XRRA1: variants seen among roughly 807,000 people sequenced by gnomAD.
XRRA1 encodes X-ray radiation resistance associated 1.
A neutral mutation model predicts 80.2 loss-of-function variants in XRRA1; 69 were observed. The ratio of observed to expected loss-of-function variants is 0.86; its 90% CI spans 0.71 to 1.05. The LOEUF is 1.05. Ranked by LOEUF, XRRA1 falls within the 50% of genes least tolerant of loss-of-function variation. XRRA1 has a pLI of 0.00. For missense variants in XRRA1, 967 were observed against 976.4 expected (o/e 0.99, Z 0.13); for synonymous variants, 348 against 389.9 (o/e 0.89, Z 1.27).
intron 4 of XRRA1, among the ~76,000 whole-genome samples, chr11:74,934,641 G>A (rs890577848): frequency 6.6e-6 from 1 of 152,146 alleles, no homozygotes; most frequent in African/African-American, 2.4e-5. Flanking sequence ...CATGAAAGTG[G>A]GTAGTAGGGA....
rs568147057 is a variant in XRRA1 at position 74,843,172 on chromosome 11, G to A, written c.*28C>T. On this transcript the variant is annotated 3_prime_UTR_variant, in exon 19 of 19. Coordinates refer to ENST00000684022, the MANE Select transcript of XRRA1 (RefSeq NM_001378157.1). Reference sequence around the variant, plus strand: ...CGGGGAGAGCTGGGGCACAGGCCGGGTGGTGCACACAGCCCCCATGCACAG... The same window carrying A: ...CGGGGAGAGCTGGGGCACAGGCCGGATGGTGCACACAGCCCCCATGCACAG... 9.1e-6 allele frequency: 14 copies of A among 1,537,520 alleles called. No homozygotes were observed. The East Asian group carries it at 3.2e-4, about 35-fold the overall frequency.
Position 74,848,417 on chromosome 11 carries a change from G to A in XRRA1, c.1426C>T (p.His476Tyr), listed in dbSNP as rs2038878648. ...PKVPKQPLVL[H>Y]HPRMTTTKSP... is the part of the protein sequence containing the mutation. ...TTGGTTGTCGTCATGCGCGGGTGAT[G>A]GAGCACCAGAGGCTGCTTCGGCACC... Residue 476 changes from histidine (H) to tyrosine (Y), a missense_variant, in exon 15 of 19, where the codon CAT becomes TAT. Coordinates refer to ENST00000684022, the MANE Select transcript of XRRA1 (RefSeq NM_001378157.1). 1 of 1,613,482 alleles carries A rather than the reference G, an allele frequency of 6.2e-7. No homozygotes were observed.
chr11:74,931,326 A>AT (rs548989090), intron 5 of XRRA1, among the ~76,000 whole-genome samples: 6,505 of 140,842 alleles, frequency 0.046, 396 homozygotes, highest in African/African-American at 0.14. Flanking sequence ...TTCTAGTTCA[A>AT]TTTTTTTTTT....
chr11:74,879,389 A>G (rs974406791), intron 10 of XRRA1, among the ~76,000 whole-genome samples: 1 of 152,216 alleles, frequency 6.6e-6, no homozygotes, highest in Non-Finnish European at 1.5e-5. Context: ...TTTTCTAGAT[A>G]TACAATTATG....
At chr11:74,868,916 C>A (rs1256475476) in intron 10 of XRRA1, among the ~76,000 whole-genome samples, 2 of 151,976 alleles carry the variant, frequency 1.3e-5, no homozygotes, top group Non-Finnish European at 2.9e-5. Flanking sequence ...GACATGAATA[C>A]CCCAATAATA....
intron 10 of XRRA1, among the ~76,000 whole-genome samples, chr11:74,893,016 G>C (rs1821391920): frequency 6.6e-6 from 1 of 152,158 alleles, no homozygotes; most frequent in Admixed American, 6.5e-5. Context: ...CAGGGATCTA[G>C]AACTAGAAAT....
chr11:74,907,061 C>G, intron 9 of XRRA1, 84 bp downstream of exon 9: 2 of 1,569,274 alleles, frequency 1.3e-6, no homozygotes, highest in African/African-American at 1.4e-5. Context: ...AAACCCAAAC[C>G]TTTTGGCTTC....
intron 10 of XRRA1, among the ~76,000 whole-genome samples, chr11:74,868,670 A>G (rs999949276): frequency 6.6e-6 from 1 of 152,196 alleles, no homozygotes; most frequent in Non-Finnish European, 1.5e-5. Context: ...CAAATGGAAA[A>G]GAGAAAAAAA....
intron 2 of XRRA1, among the ~76,000 whole-genome samples, chr11:74,943,139 G>C (rs1478879645): frequency 1.3e-5 from 2 of 152,196 alleles, no homozygotes; most frequent in Non-Finnish European, 2.9e-5. Context: ...ATCTGCTATG[G>C]GGTGGCTCCG....
At chr11:74,917,570 C>T (rs947265875) in intron 8 of XRRA1, among the ~76,000 whole-genome samples, 15 of 152,050 alleles carry the variant, frequency 9.9e-5, no homozygotes, top group African/African-American at 3.4e-4. Context: ...TCTACTATAC[C>T]AATTAGATAT....
intron 12 of XRRA1, among the ~76,000 whole-genome samples, chr11:74,854,458 T>A (rs2040611573): frequency 1.3e-5 from 2 of 152,234 alleles, no homozygotes; most frequent in African/African-American, 4.8e-5. Context: ...TTGCAGCTAT[T>A]CAATTTTACT....
At chr11:74,865,641 G>A (rs2043234722) in intron 10 of XRRA1, among the ~76,000 whole-genome samples, 1 of 152,188 alleles carries the variant, frequency 6.6e-6, no homozygotes, top group African/African-American at 2.4e-5. Flanking sequence ...ACATACACCT[G>A]TCTAAGCCAA....
At chr11:74,882,603 C>T (rs1287779877) in intron 10 of XRRA1, among the ~76,000 whole-genome samples, 2 of 152,166 alleles carry the variant, frequency 1.3e-5, no homozygotes, top group Non-Finnish European at 2.9e-5. Flanking sequence ...TTAGAGTTTC[C>T]AGTTTTTCTG....
chr11:74,854,794 T>C (rs564697548), intron 12 of XRRA1, among the ~76,000 whole-genome samples: 70 of 152,106 alleles, frequency 4.6e-4, no homozygotes, highest in Non-Finnish European at 7.8e-4. Context: ...CCGAGGCAAG[T>C]GGATCACAAG....
intron 5 of XRRA1, among the ~76,000 whole-genome samples, 174 bp from the exon 6 acceptor site, chr11:74,930,546 T>TC (rs1169001660): frequency 2.0e-5 from 3 of 152,158 alleles, no homozygotes; most frequent in Admixed American, 2.0e-4. Flanking sequence ...CTGCTTTTTT[T>TC]CCACTATGAA....
chr11:74,859,104 A>T, intron 12 of XRRA1, 54 bp downstream of exon 12: 5 of 1,526,590 alleles, frequency 3.3e-6, no homozygotes, highest in Non-Finnish European at 4.4e-6. Flanking sequence ...AGCAACTTGC[A>T]TCCCACCTTC....
Position 74,855,728 on chromosome 11 carries a change from G to A in XRRA1, c.1170+3430C>T, listed in dbSNP as rs115111583. On this transcript the variant is annotated intron_variant, in intron 12 of 18. Transcript: ENST00000684022. ...TGAATATTCTGAGTAATTTTCTGAT[G>A]AATATTCTAGATGTATAAGTTCTGT... is the stretch of plus-strand genomic sequence containing the variant. 3.3e-3 allele frequency among the ~76,000 whole-genome samples: 497 copies of A among 152,318 alleles called. 2 individuals are homozygous for A. Among genetic ancestry groups the A allele is most frequent in the African/African-American group, 0.011 (475 of 41,576 alleles).
intron 10 of XRRA1, among the ~76,000 whole-genome samples, chr11:74,872,775 C>A (rs1172222001): frequency 6.6e-6 from 1 of 152,092 alleles, no homozygotes; most frequent in Non-Finnish European, 1.5e-5. Context: ...CACAGGAGCC[C>A]CAGGTGATTC....
At chr11:74,892,400 T>C (rs1322313208) in intron 10 of XRRA1, among the ~76,000 whole-genome samples, 5 of 152,098 alleles carry the variant, frequency 3.3e-5, no homozygotes, top group Non-Finnish European at 5.9e-5. Context: ...ATACAAAAAT[T>C]AATTCAAGAT....
Sources: gnomAD v4.1 joint callset for allele counts (sites outside exome capture counted in the v4.1 genomes callset) on GRCh38, gnomAD v4.1.1 for gene constraint, MANE v1.5 for transcripts, NCBI Gene and HGNC (gene_info 2026-07-23, HGNC 2026-07-21) for gene names.